Variants in CHN1 observed in about 807,000 individuals in gnomAD.
The protein encoded by CHN1 is N-chimaerin.
Under a neutral mutation model 59.5 loss-of-function variants are expected in CHN1, and 37 were observed. That is an observed-to-expected ratio of 0.62 (90% confidence interval 0.48 to 0.82). The LOEUF (loss-of-function observed/expected upper bound fraction) is 0.82, where lower values mean the gene tolerates loss of function less well. CHN1 is among the 40% of genes least tolerant of loss of function. CHN1 has a pLI of 0.00. For missense variants in CHN1, 469 were observed against 571.0 expected (o/e 0.82, Z 1.82); for synonymous variants, 206 against 200.4 (o/e 1.03, Z -0.24).
intron 1 of CHN1, among the ~76,000 whole-genome samples, chr2:174,954,091 A>G (rs1690112510): frequency 6.6e-6 from 1 of 152,218 alleles, no homozygotes; most frequent in South Asian, 2.1e-4. Flanking sequence ...GTATCAAAAT[A>G]AGGATATGGA....
chr2:174,847,773 CAAAAAAAAA>C lies in CHN1; in HGVS notation c.550-825_550-817del, dbSNP rs71031072. On this transcript the variant is annotated intron_variant, in intron 6 of 12. Coordinates refer to ENST00000409900, the MANE Select transcript of CHN1 (RefSeq NM_001822.7). ...AAGTAAGTTTCTTGCTGGCTCAAGG[CAAAAAAAAA>C]AAAAAAAAAAAAAAAAAAATCAGTG... 544 of 237,228 alleles carry C rather than the reference CAAAAAAAAA, an allele frequency of 2.3e-3. 1 individual carries two copies. The highest frequency in any genetic ancestry group is 5.8e-3 in the African/African-American group (95 of 16,410). The allele number at this position is 237,228 out of a possible 1,614,324, so 14.7% of individuals were successfully genotyped here. A position where few individuals can be genotyped will look rare whatever the true frequency, so the allele number is the denominator to read the frequency against.
intron 1 of CHN1, among the ~76,000 whole-genome samples, chr2:174,983,969 T>A (rs1254311962): frequency 6.6e-6 from 1 of 152,168 alleles, no homozygotes; most frequent in Non-Finnish European, 1.5e-5. Flanking sequence ...AAAAGTCAGT[T>A]TGAGCTATTT....
At chr2:174,993,109 TG>T (rs1691599275) in intron 1 of CHN1, among the ~76,000 whole-genome samples, 2 of 152,110 alleles carry the variant, frequency 1.3e-5, no homozygotes, top group Non-Finnish European at 1.5e-5. Context: ...TGCTAGCTAA[TG>T]GAATTCCTCA....
intron 6 of CHN1, among the ~76,000 whole-genome samples, chr2:174,866,519 G>A (rs1336096287): frequency 6.6e-6 from 1 of 152,062 alleles, no homozygotes; most frequent in African/African-American, 2.4e-5. Context: ...TTAGGGAAAG[G>A]CATTTTGTGG....
chr2:174,977,962 T>G (rs1319543662), intron 1 of CHN1, among the ~76,000 whole-genome samples: 1 of 152,108 alleles, frequency 6.6e-6, no homozygotes, highest in Non-Finnish European at 1.5e-5. Context: ...AACAGGTAAA[T>G]TGTTTTCTTT....
At chr2:174,931,550 C>G (rs1689347697) in intron 3 of CHN1, among the ~76,000 whole-genome samples, 1 of 152,174 alleles carries the variant, frequency 6.6e-6, no homozygotes, top group Non-Finnish European at 1.5e-5. Flanking sequence ...TTCCAGGAAC[C>G]TGGGAAATAC....
intron 3 of CHN1, among the ~76,000 whole-genome samples, chr2:174,930,216 G>A (rs761541623): frequency 2.0e-5 from 3 of 152,158 alleles, no homozygotes; most frequent in Non-Finnish European, 4.4e-5. Flanking sequence ...ACCAGGAGGA[G>A]AGTCAGGTAT....
At chr2:174,955,957 G>A (rs568709328) in intron 1 of CHN1, among the ~76,000 whole-genome samples, 2 of 152,192 alleles carry the variant, frequency 1.3e-5, no homozygotes, top group South Asian at 2.1e-4. Context: ...AGGGTGACAG[G>A]ACCTGTACTC....
intron 8 of CHN1, among the ~76,000 whole-genome samples, chr2:174,815,629 T>C (rs1468215356): frequency 6.6e-6 from 1 of 151,664 alleles, no homozygotes; most frequent in Non-Finnish European, 1.5e-5. Context: ...GTGTTCATAA[T>C]TGCTTGTTGG....
At chr2:174,801,861 G>C in intron 11 of CHN1, 49 bp from the exon 12 acceptor site, 1 of 1,297,266 alleles carries the variant, frequency 7.7e-7, no homozygotes, top group East Asian at 2.3e-5. Context: ...ACACAAAACT[G>C]ATACAAATGG....
intron 5 of CHN1, among the ~76,000 whole-genome samples, chr2:174,902,414 ATATAT>A (rs1161125773): frequency 2.0e-5 from 3 of 152,222 alleles, no homozygotes; most frequent in Admixed American, 6.5e-5. Context: ...AGCACTGATA[ATATAT>A]TATATTTTAA....
At chr2:174,936,302 A>G (rs1689493173) in intron 3 of CHN1, among the ~76,000 whole-genome samples, 1 of 152,220 alleles carries the variant, frequency 6.6e-6, no homozygotes, top group South Asian at 2.1e-4. Context: ...AGCAGGGGGA[A>G]AAGTGCGTCC....
chr2:174,802,064 G>C, intron 11 of CHN1: 1 of 357,142 alleles, frequency 2.8e-6, no homozygotes, highest in South Asian at 2.7e-5. Context: ...TGTCACTTGA[G>C]TATCTTGGAG....
chr2:174,893,906 G>T (rs1166955066), intron 5 of CHN1, among the ~76,000 whole-genome samples: 2 of 152,104 alleles, frequency 1.3e-5, no homozygotes, highest in Non-Finnish European at 2.9e-5. Flanking sequence ...ACAGTGTTGG[G>T]AAATCTAGAT....
At chr2:174,975,172 AC>A (rs1690882543) in intron 1 of CHN1, among the ~76,000 whole-genome samples, 1 of 152,168 alleles carries the variant, frequency 6.6e-6, no homozygotes, top group Non-Finnish European at 1.5e-5. Context: ...AGCTAAACTA[AC>A]AATTTAAAAA....
chr2:174,823,820 C>T (rs1055434506), intron 8 of CHN1, among the ~76,000 whole-genome samples: 1 of 152,094 alleles, frequency 6.6e-6, no homozygotes, highest in Non-Finnish European at 1.5e-5. Context: ...ATGTGTAAAT[C>T]TTTTGGTTTC....
chr2:174,982,895 C>T (rs1372841003), intron 1 of CHN1, among the ~76,000 whole-genome samples: 2 of 152,118 alleles, frequency 1.3e-5, no homozygotes, highest in Non-Finnish European at 2.9e-5. Flanking sequence ...TCCTCCCTTT[C>T]CCCCACCAAT....
chr2:174,965,882 T>C (rs1690575583), intron 1 of CHN1, among the ~76,000 whole-genome samples: 1 of 152,132 alleles, frequency 6.6e-6, no homozygotes, highest in Non-Finnish European at 1.5e-5. Context: ...GCATAAACAG[T>C]AAACACCAAA....
chr2:174,981,761 A>G (rs1369140118), intron 1 of CHN1, among the ~76,000 whole-genome samples: 2 of 152,226 alleles, frequency 1.3e-5, no homozygotes, highest in Admixed American at 6.5e-5. Context: ...TTAAAAGTAG[A>G]CAAACTGTGA....
Sources: gnomAD v4.1 joint callset for allele counts (sites outside exome capture counted in the v4.1 genomes callset) on GRCh38, gnomAD v4.1.1 for gene constraint, MANE v1.5 for transcripts, NCBI Gene and HGNC (gene_info 2026-07-23, HGNC 2026-07-21) for gene names.